SGCZ: variants seen among roughly 807,000 people sequenced by gnomAD.
The protein encoded by SGCZ is zeta-sarcoglycan.
SGCZ carries 40 observed loss-of-function variants against 41.3 expected under a neutral mutation model. The ratio of observed to expected loss-of-function variants is 0.97; its 90% CI spans 0.75 to 1.26. The LOEUF (loss-of-function observed/expected upper bound fraction) is 1.26. Among genes scored for constraint, SGCZ ranks in the 50% most tolerant of loss-of-function variants. The pLI is 0.00. For missense variants in SGCZ, 552 were observed against 369.8 expected, an observed-to-expected ratio of 1.49 and a Z score of -4.04; for synonymous variants, 206 against 137.5, an observed-to-expected ratio of 1.50 and a Z score of -3.49.
At chr8:14,830,438 ATCAT>A (rs1802486119) in intron 1 of SGCZ, among the ~76,000 whole-genome samples, 1 of 152,162 alleles carries the variant, frequency 6.6e-6, no homozygotes, top group Non-Finnish European at 1.5e-5. Flanking sequence ...AAGAGTCTGA[ATCAT>A]TCTTTATTCT....
intron 2 of SGCZ, among the ~76,000 whole-genome samples, chr8:14,450,836 A>T (rs76968396): frequency 0.039 from 5,958 of 152,176 alleles, 176 homozygotes; most frequent in African/African-American, 0.076. Context: ...CTTCAGCTCT[A>T]TTTTTCCTGA....
At chr8:14,261,751 A>C (rs1799675608) in intron 3 of SGCZ, among the ~76,000 whole-genome samples, 1 of 152,194 alleles carries the variant, frequency 6.6e-6, no homozygotes, top group African/African-American at 2.4e-5. Flanking sequence ...GGATGGAGTA[A>C]CAGACTCCAT....
intron 2 of SGCZ, among the ~76,000 whole-genome samples, chr8:14,541,129 G>C (rs1803453982): frequency 6.6e-6 from 1 of 151,470 alleles, no homozygotes; most frequent in African/African-American, 2.4e-5. Context: ...TAAATAAACA[G>C]GTGTAATTTT....
intron 1 of SGCZ, among the ~76,000 whole-genome samples, chr8:14,772,584 C>A (rs1800279193): frequency 1.7e-5 from 2 of 118,166 alleles, no homozygotes; most frequent in African/African-American, 3.2e-5. Flanking sequence ...CCCCCTCCCC[C>A]CACCCCACAA....
intron 2 of SGCZ, among the ~76,000 whole-genome samples, chr8:14,475,222 T>C (rs536492304): frequency 6.6e-6 from 1 of 152,188 alleles, no homozygotes; most frequent in African/African-American, 2.4e-5. Flanking sequence ...TAGTTTTATT[T>C]GCTTTTTTAT....
rs149430838 is a variant in SGCZ at position 14,870,930 on chromosome 8, G to A, written c.40-316004C>T. 8.4e-3 allele frequency among the ~76,000 whole-genome samples: 1,282 copies of A among 152,188 alleles called. 8 individuals carry two copies. Among genetic ancestry groups the A allele is most frequent in the Middle Eastern group, 0.02 (6 of 294 alleles). On this transcript the variant is annotated intron_variant, in intron 1 of 7. Transcript: ENST00000382080. ...TCATTAAAAAGTCAGGAAACAGGCC[G>A]GGTGCAGTGGCTCACACCTGTAATA...
At chr8:14,724,032 G>A (rs1189812515) in intron 1 of SGCZ, among the ~76,000 whole-genome samples, 2 of 152,104 alleles carry the variant, frequency 1.3e-5, no homozygotes, top group African/African-American at 2.4e-5. Context: ...CACTCTTGGT[G>A]TTAAAGAACA....
rs1246423666 is a variant in SGCZ at position 14,966,213 on chromosome 8, TAAGA to T, written c.39+271368_39+271371del. Among the ~76,000 whole-genome samples, 10 of 151,288 alleles carry T rather than the reference TAAGA, an allele frequency of 6.6e-5. No individual in the cohort carries two copies. In the East Asian group the frequency reaches 1.9e-3, roughly 29 times the overall value. ...AAACCCAAGGCAAGAATGACTCCTATAAGAAAGAAAGGAGAAAAACAGGGGAAAT... is the reference window on the plus strand; with the variant it reads ...AAACCCAAGGCAAGAATGACTCCTATAAGAAAGGAGAAAAACAGGGGAAAT... On this transcript the variant is annotated intron_variant, in intron 1 of 7. Transcript: ENST00000382080.
At chr8:14,642,541 G>A (rs1296747805) in intron 1 of SGCZ, among the ~76,000 whole-genome samples, 2 of 151,314 alleles carry the variant, frequency 1.3e-5, no homozygotes, top group Non-Finnish European at 3.0e-5. Flanking sequence ...TAACAGCTTA[G>A]TTTAACACTC....
intron 2 of SGCZ, among the ~76,000 whole-genome samples, chr8:14,500,184 G>A (rs1432683195): frequency 2.0e-5 from 3 of 152,050 alleles, no homozygotes; most frequent in Non-Finnish European, 4.4e-5. Flanking sequence ...CAAGTGTAAA[G>A]AATCGCTTAA....
chr8:14,611,257 G>A (rs1174783471), intron 1 of SGCZ, among the ~76,000 whole-genome samples: 1 of 151,882 alleles, frequency 6.6e-6, no homozygotes, highest in Non-Finnish European at 1.5e-5. Flanking sequence ...CCATTAATAT[G>A]CCTATCATTT....
At chr8:14,478,385 T>C (rs1000947340) in intron 2 of SGCZ, among the ~76,000 whole-genome samples, 1 of 152,140 alleles carries the variant, frequency 6.6e-6, no homozygotes, top group African/African-American at 2.4e-5. Flanking sequence ...TAAAAATACA[T>C]GAAGGAATCT....
intron 2 of SGCZ, among the ~76,000 whole-genome samples, chr8:14,362,563 T>G (rs1023271247): frequency 3.3e-5 from 5 of 152,156 alleles, no homozygotes; most frequent in African/African-American, 1.2e-4. Flanking sequence ...GCGCAGTATG[T>G]AGGCAGAAGT....
At chr8:14,427,144 A>G (rs1056055150) in intron 2 of SGCZ, among the ~76,000 whole-genome samples, 1 of 152,224 alleles carries the variant, frequency 6.6e-6, no homozygotes, top group Middle Eastern at 3.4e-3. Flanking sequence ...TGCTCATTCA[A>G]GTAGAAGCAA....
chr8:15,095,765 A>G (rs1806325346), intron 1 of SGCZ, among the ~76,000 whole-genome samples: 1 of 152,092 alleles, frequency 6.6e-6, no homozygotes, highest in African/African-American at 2.4e-5. Context: ...AAACTTTACG[A>G]TTTTCAATGA....
At chr8:14,411,359 CAT>C (rs1386661477) in intron 2 of SGCZ, among the ~76,000 whole-genome samples, 1 of 152,042 alleles carries the variant, frequency 6.6e-6, no homozygotes, top group Non-Finnish European at 1.5e-5. Context: ...ATATATAAAA[CAT>C]ATTAGTGTTC....
intron 4 of SGCZ, among the ~76,000 whole-genome samples, chr8:14,178,999 A>G (rs954112808): frequency 6.6e-6 from 1 of 152,234 alleles, no homozygotes; most frequent in African/African-American, 2.4e-5. Flanking sequence ...ATTGAGCTAA[A>G]GACAAGGATT....
chr8:15,065,514 G>C (rs1027932144), intron 1 of SGCZ, among the ~76,000 whole-genome samples: 1 of 150,864 alleles, frequency 6.6e-6, no homozygotes, highest in African/African-American at 2.4e-5. Context: ...GCAGGATCTC[G>C]GCTCACTGCA....
At chr8:14,531,702 C>T (rs1803138510) in intron 2 of SGCZ, among the ~76,000 whole-genome samples, 2 of 151,870 alleles carry the variant, frequency 1.3e-5, no homozygotes, top group Admixed American at 6.6e-5. Flanking sequence ...TTTTTCTACC[C>T]CTCAAACCTA....
Sources: gnomAD v4.1 joint callset for allele counts (sites outside exome capture counted in the v4.1 genomes callset) on GRCh38, gnomAD v4.1.1 for gene constraint, MANE v1.5 for transcripts, NCBI Gene and HGNC (gene_info 2026-07-23, HGNC 2026-07-21) for gene names.